BIRC5: variants seen among roughly 807,000 people sequenced by gnomAD.
BIRC5 encodes the protein baculoviral IAP repeat-containing protein 5.
BIRC5 carries 8 observed loss-of-function variants against 15.8 expected under a neutral mutation model. That is an observed-to-expected ratio of 0.51 (90% CI 0.30 to 0.91). BIRC5 has a LOEUF of 0.91. Ranked by LOEUF, BIRC5 falls within the 40% of genes least tolerant of loss-of-function variation. The pLI, the probability that BIRC5 is intolerant of heterozygous loss-of-function variation, is 0.07. For synonymous variants in BIRC5, 56 were observed against 64.5 expected (o/e 0.87, Z 0.63); for missense variants, 163 against 178.6 (o/e 0.91, Z 0.50).
intron 3 of BIRC5, among the ~76,000 whole-genome samples, chr17:78,218,440 C>T (rs573748688): frequency 2.7e-5 from 4 of 150,596 alleles, no homozygotes; most frequent in Admixed American, 6.7e-5. Context: ...ACTACAGGCA[C>T]GCACCACCAT....
chr17:78,216,299 C>T (rs1385612902), intron 2 of BIRC5: 2 of 168,208 alleles, frequency 1.2e-5, no homozygotes, highest in East Asian at 3.2e-4. Context: ...CATAACAATT[C>T]CAGTGAAATG....
chr17:78,214,830 A>G, intron 2 of BIRC5, 41 bp downstream of exon 2: 1 of 1,545,448 alleles, frequency 6.5e-7, no homozygotes, highest in South Asian at 1.2e-5. Context: ...TTTGTTTTGA[A>G]CTGAGTTGTC....
At chr17:78,219,040 G>A (rs1239595589) in intron 3 of BIRC5, among the ~76,000 whole-genome samples, 3 of 152,194 alleles carry the variant, frequency 2.0e-5, no homozygotes, top group Non-Finnish European at 4.4e-5. Flanking sequence ...GCCACTTGCA[G>A]ACTTTGAGTT....
chr17:78,225,631 A>G lies in BIRC5; in HGVS notation c.*2077A>G, dbSNP rs1390703293. The G allele has an allele frequency of 6.6e-6, 1 of 152,138 alleles. No individual in the cohort carries two copies. The highest frequency in any genetic ancestry group is 1.5e-5 in the Non-Finnish European group (1 of 68,026). 9.4% of individuals were successfully genotyped at this position (152,138 alleles called of 1,614,324 possible). ...TGCCAATAAAGTCTCATGTGGTTTTATCTACTTTTTTTTTCTTTTTCTTTT... is the reference window on the plus strand; with the variant it reads ...TGCCAATAAAGTCTCATGTGGTTTTGTCTACTTTTTTTTTCTTTTTCTTTT... On this transcript the variant is annotated 3_prime_UTR_variant, in exon 4 of 4. Transcript: ENST00000350051.
intron 3 of BIRC5, among the ~76,000 whole-genome samples, chr17:78,223,238 G>A (rs17879689): frequency 2.4e-4 from 37 of 152,330 alleles, no homozygotes; most frequent in African/African-American, 7.5e-4. Flanking sequence ...CAAGCACTCC[G>A]TCAGTGTTTC....
chr17:78,223,637 G>A lies in BIRC5; in HGVS notation c.*83G>A, dbSNP rs745971364. ...CCCTGGTGCCACCAGCCTTCCTGTG[G>A]GCCCCTTAGCAATGTCTTAGGAAAG... On this transcript the variant is annotated 3_prime_UTR_variant, in exon 4 of 4. Transcript: ENST00000350051. 7.5e-6 allele frequency: 12 copies of A among 1,596,112 alleles called. No individual in the cohort carries two copies. Among genetic ancestry groups the A allele is most frequent in the Non-Finnish European group, 9.4e-6 (11 of 1,171,064 alleles).
At chr17:78,216,948 T>C (rs1599028848) in intron 3 of BIRC5, among the ~76,000 whole-genome samples, 167 bp downstream of exon 3, 1 of 148,184 alleles carries the variant, frequency 6.7e-6, no homozygotes, top group Non-Finnish European at 1.5e-5. Context: ...GGTGCAATCT[T>C]GGCTCACTGC....
At chr17:78,223,103 C>G in intron 3 of BIRC5, 1 of 1,120,258 alleles carries the variant, frequency 8.9e-7, no homozygotes, top group Non-Finnish European at 1.2e-6. Context: ...CTTTGAGTGG[C>G]TCCTTCAGCC....
chr17:78,214,299 A>G lies in BIRC5; in HGVS notation c.-18A>G, dbSNP rs1335024585. On this transcript the variant is annotated 5_prime_UTR_variant, in exon 1 of 4. Transcript: ENST00000350051. ...GATTTGAATCGCGGGACCCGTTGGC[A>G]GAGGTGGCGGCGGCGGCATGGGTGC... 5 of 1,596,320 alleles carry G rather than the reference A, an allele frequency of 3.1e-6. No homozygotes were observed. In the East Asian group the frequency reaches 9.1e-5, roughly 29 times the overall value.
intron 3 of BIRC5, among the ~76,000 whole-genome samples, chr17:78,218,894 A>T (rs1367387058): frequency 2.0e-5 from 3 of 152,082 alleles, no homozygotes; most frequent in Admixed American, 2.0e-4. Flanking sequence ...GGTGTGATCT[A>T]CTGCACCAGG....
intron 3 of BIRC5, among the ~76,000 whole-genome samples, chr17:78,220,792 C>T (rs965057731): frequency 6.6e-6 from 1 of 152,096 alleles, no homozygotes; most frequent in Non-Finnish European, 1.5e-5. Flanking sequence ...GTGATCTTGG[C>T]TCACCTCAGC....
intron 3 of BIRC5, among the ~76,000 whole-genome samples, chr17:78,222,202 TAAA>T (rs201091966): frequency 7.0e-6 from 1 of 141,862 alleles, no homozygotes; most frequent in Non-Finnish European, 1.5e-5. Context: ...ACCCTGTCTC[TAAA>T]AAAAAAAAAA....
At chr17:78,217,757 A>G (rs753253364) in intron 3 of BIRC5, among the ~76,000 whole-genome samples, 1 of 151,024 alleles carries the variant, frequency 6.6e-6, no homozygotes, top group Non-Finnish European at 1.5e-5. Flanking sequence ...TCGGCCTCCC[A>G]AAGTGCTGGG....
chr17:78,223,061 A>C, intron 3 of BIRC5: 2 of 1,263,444 alleles, frequency 1.6e-6, no homozygotes, highest in Non-Finnish European at 2.0e-6. Context: ...TGGGGTGCCC[A>C]GACTAGCTGG....
chr17:78,217,960 T>TAA (rs2076491470), intron 3 of BIRC5, among the ~76,000 whole-genome samples: 1 of 23,898 alleles, frequency 4.2e-5, no homozygotes, highest in African/African-American at 1.0e-4. Flanking sequence ...CCCACCTTAT[T>TAA]TATTTATTTA....
intron 3 of BIRC5, among the ~76,000 whole-genome samples, chr17:78,220,057 C>T (rs1052260528): frequency 9.9e-5 from 15 of 152,168 alleles, no homozygotes; most frequent in African/African-American, 2.9e-4. Context: ...CGGGGTGCTC[C>T]GCTCTAGGGT....
At chr17:78,216,859 TCTGTGTTTTCCTC>T in intron 3 of BIRC5, 78 bp downstream of exon 3, 1 of 1,114,068 alleles carries the variant, frequency 9.0e-7, no homozygotes, top group Non-Finnish European at 1.3e-6. Context: ...TCAAAGGGAC[TCTGTGTTTTCCTC>T]AGGAAGCATT....
chr17:78,219,592 G>A (rs1266847468), intron 3 of BIRC5, among the ~76,000 whole-genome samples: 1 of 152,228 alleles, frequency 6.6e-6, no homozygotes, highest in Admixed American at 6.5e-5. Context: ...GGTTGAGGTT[G>A]TGGGAGCTGC....
intron 2 of BIRC5, among the ~76,000 whole-genome samples, chr17:78,215,454 A>G (rs938622629): frequency 2.0e-5 from 3 of 151,976 alleles, no homozygotes; most frequent in Non-Finnish European, 4.4e-5. Flanking sequence ...GAAAGAAAGC[A>G]TATACTTCAG....
Sources: gnomAD v4.1 joint callset for allele counts (sites outside exome capture counted in the v4.1 genomes callset) on GRCh38, gnomAD v4.1.1 for gene constraint, MANE v1.5 for transcripts, NCBI Gene and HGNC (gene_info 2026-07-23, HGNC 2026-07-21) for gene names.